SIK2: variants seen among roughly 807,000 people sequenced by gnomAD.
SIK2 encodes the protein salt inducible kinase 2.
In SIK2, 29 loss-of-function variants were observed where a neutral mutation model predicts 103.2. The ratio of observed to expected loss-of-function variants is 0.28; its 90% CI spans 0.21 to 0.38. The LOEUF (loss-of-function observed/expected upper bound fraction) is 0.38, where lower values mean the gene tolerates loss of function less well. Ranked by LOEUF, SIK2 falls within the 10% of genes least tolerant of loss-of-function variation. SIK2 has a pLI of 1.00. For synonymous variants in SIK2, 412 were observed against 446.1 expected (o/e 0.92, Z 0.96); for missense variants, 879 against 1,171.0 (o/e 0.75, Z 3.64).
intron 3 of SIK2, among the ~76,000 whole-genome samples, chr11:111,640,509 T>C (rs1420910935): frequency 6.6e-6 from 1 of 152,178 alleles, no homozygotes; most frequent in Non-Finnish European, 1.5e-5. Flanking sequence ...CATTAAATAG[T>C]ATAACATTTT....
At chr11:111,652,270 G>T (rs1942336713) in intron 3 of SIK2, among the ~76,000 whole-genome samples, 2 of 152,152 alleles carry the variant, frequency 1.3e-5, no homozygotes, top group Non-Finnish European at 1.5e-5. Flanking sequence ...AATTGGCAAT[G>T]AAAAAGTTAT....
chr11:111,647,225 A>C (rs774775748), intron 3 of SIK2, among the ~76,000 whole-genome samples: 1 of 152,178 alleles, frequency 6.6e-6, no homozygotes, highest in Non-Finnish European at 1.5e-5. Context: ...TATAAACAGC[A>C]TTACCATGAA....
At chr11:111,663,215 A>C (rs918621426) in intron 3 of SIK2, among the ~76,000 whole-genome samples, 2 of 146,294 alleles carry the variant, frequency 1.4e-5, no homozygotes, top group Non-Finnish European at 3.0e-5. Context: ...CCTGGGCAAC[A>C]GAGTGAGACC....
rs74336626 is a variant in SIK2 at position 111,639,732 on chromosome 11, C to T, written c.316+19330C>T. Among the ~76,000 whole-genome samples the T allele has an allele frequency of 6.5e-3, 991 of 152,250 alleles. 10 individuals carry two copies. Among genetic ancestry groups the T allele is most frequent in the African/African-American group, 0.022 (925 of 41,540 alleles). On this transcript the variant is annotated intron_variant, in intron 3 of 14. Transcript: ENST00000304987. ...TCTCATTGAAATTCATTGTTATACT[C>T]TCTCCTGCTTCTGTTTAGGCAGTCT...
At chr11:111,718,245 T>C (rs1027073133) in intron 9 of SIK2, among the ~76,000 whole-genome samples, 6 of 152,204 alleles carry the variant, frequency 3.9e-5, no homozygotes, top group Admixed American at 3.3e-4. Context: ...TTTAGAAAAT[T>C]GTATTAGTAG....
rs1942513225 is a variant in SIK2 at position 111,664,765 on chromosome 11, CTT to C, written c.317-23233_317-23232del. On this transcript the variant is annotated intron_variant, in intron 3 of 14. Transcript: ENST00000304987. ...TAGCAATCAAGGCATTGTACACTGTCTTTTGTTTCTCTGCCTAAGATGGCCTA... is the reference window on the plus strand; with the variant it reads ...TAGCAATCAAGGCATTGTACACTGTCTTGTTTCTCTGCCTAAGATGGCCTA... Among the ~76,000 whole-genome samples, 3 of 147,164 alleles carry C rather than the reference CTT, an allele frequency of 2.0e-5. No homozygotes were observed. The East Asian group carries it at 6.4e-4, about 31-fold the overall frequency.
At position 111,723,510 on chromosome 11, in the gene SIK2, G is replaced by A. The variant is rs570457726; in HGVS notation, c.2162G>A (p.Arg721Gln). 1.7e-5 allele frequency: 28 copies of A among 1,601,532 alleles called. No individual in the cohort carries two copies. The highest frequency in any genetic ancestry group is 8.5e-5 in the Admixed American group (5 of 58,668). Residue 721 changes from arginine to glutamine, a missense_variant, in exon 15 of 15, where the codon CGA (arginine) becomes CAA (glutamine). Around this residue, in one of 7 missense-constraint regions of SIK2, gnomAD observed 375 missense variants for 416.3 expected, o/e 0.90. Transcript: ENST00000304987. ...TACCAATTTAGGCTCCAGCAGAAGC[G>A]ACTCTTTCTTCAGAAGCAGTCTCAA... Reference protein sequence around the residue: ...QLQEHRLQQKRLFLQKQSQLQ... With the variant: ...QLQEHRLQQKQLFLQKQSQLQ...
At chr11:111,698,262 G>T (rs561346989) in intron 4 of SIK2, among the ~76,000 whole-genome samples, 1 of 152,168 alleles carries the variant, frequency 6.6e-6, no homozygotes, top group African/African-American at 2.4e-5. Flanking sequence ...GGGCTACCAC[G>T]GGTCCAGAGA....
chr11:111,613,647 T>G (rs1182695696), intron 1 of SIK2, among the ~76,000 whole-genome samples: 1 of 152,174 alleles, frequency 6.6e-6, no homozygotes, highest in African/African-American at 2.4e-5. Context: ...GTATATAATA[T>G]TAATCGTTCT....
intron 4 of SIK2, among the ~76,000 whole-genome samples, chr11:111,691,593 A>C (rs577456370): frequency 2.7e-4 from 41 of 152,268 alleles, no homozygotes; most frequent in African/African-American, 9.1e-4. Flanking sequence ...AGGGGTACTC[A>C]CTAATTGAAT....
At chr11:111,720,430 AG>A in intron 10 of SIK2, 47 bp from the exon 11 acceptor site, 1 of 1,529,590 alleles carries the variant, frequency 6.5e-7, no homozygotes. Context: ...CTATGTTCCA[AG>A]GAGATGCTAT....
Position 111,727,364 on chromosome 11 carries a change from C to T in SIK2, c.*3235C>T, listed in dbSNP as rs1591655944. The T allele has an allele frequency of 5.2e-5, 22 of 423,796 alleles. No homozygotes were observed. The East Asian group carries it at 8.4e-4, about 16-fold the overall frequency. The allele number at this position is 423,796 out of a possible 1,614,324, so 26.3% of individuals were successfully genotyped here. On this transcript the variant is annotated 3_prime_UTR_variant, in exon 15 of 15. Transcript: ENST00000304987. ...AAGAAAAAGTCAGTGGCCCTTTCTT[C>T]CTCAGATATCAAGAACTCCCAAGTG...
At chr11:111,679,804 A>G (rs939736335) in intron 3 of SIK2, among the ~76,000 whole-genome samples, 4 of 152,204 alleles carry the variant, frequency 2.6e-5, no homozygotes, top group Non-Finnish European at 4.4e-5. Flanking sequence ...TGAGCTGTCA[A>G]GATTGAAGTC....
chr11:111,688,290 AT>A lies in SIK2; in HGVS notation c.478+132del. 1.2e-6 allele frequency: 1 copy of A among 851,596 alleles called. No homozygotes were observed. Among genetic ancestry groups the A allele is most frequent in the Non-Finnish European group, 1.8e-6 (1 of 545,938 alleles). 52.8% of individuals were successfully genotyped at this position (851,596 alleles called of 1,614,324 possible). On this transcript the variant is annotated intron_variant, in intron 4 of 14. Transcript: ENST00000304987. The surrounding 1 kb of genome is among the most constrained non-coding windows in gnomAD (Gnocchi z 4.2). ...ATGACATCAGGCTATCTCAAAGTCC[AT>A]TTTATTCATTTCCTTAGTTCTGTGT...
chr11:111,636,484 C>T (rs553484443), intron 3 of SIK2, among the ~76,000 whole-genome samples: 1 of 152,236 alleles, frequency 6.6e-6, no homozygotes, highest in African/African-American at 2.4e-5. Context: ...AAGTCTCTGC[C>T]TTCTTTGAGT....
intron 3 of SIK2, among the ~76,000 whole-genome samples, chr11:111,651,008 T>C (rs964738531): frequency 1.3e-5 from 2 of 152,190 alleles, no homozygotes; most frequent in African/African-American, 4.8e-5. Context: ...AATGGACCTC[T>C]GTCTTTTAGG....
At chr11:111,664,956 A>AT (rs1292705139) in intron 3 of SIK2, among the ~76,000 whole-genome samples, 6 of 152,056 alleles carry the variant, frequency 3.9e-5, no homozygotes. Context: ...CATTTGAAGT[A>AT]TTTTTTTCCA....
At chr11:111,629,464 C>T (rs1424267464) in intron 3 of SIK2, among the ~76,000 whole-genome samples, 4 of 152,148 alleles carry the variant, frequency 2.6e-5, no homozygotes, top group Non-Finnish European at 5.9e-5. Flanking sequence ...TTGAAGAATA[C>T]TGTGGTGTGG....
At chr11:111,628,443 TTTC>T in intron 3 of SIK2, among the ~76,000 whole-genome samples, 1 of 150,336 alleles carries the variant, frequency 6.7e-6, no homozygotes, top group African/African-American at 2.4e-5. Flanking sequence ...TCTTTCTTTC[TTTC>T]TTTCTTTTTT....
Sources: allele counts gnomAD v4.1 joint callset (sites outside exome capture counted in the v4.1 genomes callset), GRCh38; gene constraint gnomAD v4.1.1; regional missense constraint gnomAD v4.1.1; non-coding constraint Gnocchi (gnomAD v3.1); transcripts MANE v1.5; gene names NCBI Gene and HGNC (gene_info 2026-07-23, HGNC 2026-07-21).